The following SH3YL1 variants were observed in gnomAD, a reference collection of about 807,000 sequenced individuals.
SH3YL1 encodes the protein SH3 and SYLF domain containing 1, also known as SH3 domain-containing YSC84-like protein 1.
Under a neutral mutation model 45.8 loss-of-function variants are expected in SH3YL1, and 41 were observed. The observed-to-expected ratio is 0.89, with a 90% CI of 0.70 to 1.16. SH3YL1 has a LOEUF of 1.16. SH3YL1 is among the 50% of genes most tolerant of loss of function. The probability of loss-of-function intolerance (pLI) is 0.00; values close to 1 mark genes in which losing one functional copy is unlikely to be tolerated. For missense variants in SH3YL1, 389 were observed against 409.6 expected (o/e 0.95, Z 0.43); for synonymous variants, 152 against 151.4 (o/e 1.00, Z -0.03).
At chr2:257,646 T>G (rs1669401200) in intron 1 of SH3YL1, among the ~76,000 whole-genome samples, 1 of 152,210 alleles carries the variant, frequency 6.6e-6, no homozygotes, top group Non-Finnish European at 1.5e-5. Flanking sequence ...TCACTTCCCC[T>G]TTTTTGGTCT....
chr2:228,980 G>C (rs1667914348), intron 8 of SH3YL1, among the ~76,000 whole-genome samples: 1 of 152,192 alleles, frequency 6.6e-6, no homozygotes, highest in South Asian at 2.1e-4. Flanking sequence ...GTTTCTACAT[G>C]TAATCTCTCT....
upstream of SH3YL1, chr2:264,034 A>G: frequency 7.2e-7 from 1 of 1,383,056 alleles, no homozygotes; most frequent in Middle Eastern, 2.0e-4. Context: ...CAGGAAGAGG[A>G]AGGCGCGCTG....
At chr2:258,212 G>A (rs1339147276) in intron 1 of SH3YL1, among the ~76,000 whole-genome samples, 1 of 152,112 alleles carries the variant, frequency 6.6e-6, no homozygotes, top group Non-Finnish European at 1.5e-5. Context: ...TAGTATAATA[G>A]GAATAGTATT....
rs1572164793 is a variant in SH3YL1, at chr2:243,478, T to G, written c.291+4060A>C. 3 of 1,502,608 alleles carry G rather than the reference T, an allele frequency of 2.0e-6. No individual in the cohort carries two copies. The African/African-American group carries it at 4.3e-5, about 21-fold the overall frequency. The allele number at this position is 1,502,608 out of a possible 1,614,324, so 93.1% of individuals were successfully genotyped here. A position where few individuals can be genotyped will look rare whatever the true frequency, so the allele number is the denominator to read the frequency against. On this transcript the variant is annotated intron_variant, in intron 4 of 9. Coordinates refer to ENST00000356150, the MANE Select transcript of SH3YL1 (RefSeq NM_015677.4). The stretch of plus-strand genomic sequence containing the variant: ...GAGAAATTAGATAATATTTTGAGAT[T>G]AAGGAAAATGAAGACACAACATACC...
intron 8 of SH3YL1, 99 bp downstream of exon 8, chr2:229,867 T>C: frequency 1.1e-6 from 1 of 950,318 alleles, no homozygotes; most frequent in Non-Finnish European, 1.6e-6. Flanking sequence ...AGTTCTTCTA[T>C]TTAACTCTAA....
intron 4 of SH3YL1, among the ~76,000 whole-genome samples, chr2:247,213 C>A (rs1027207977): frequency 3.3e-5 from 5 of 152,222 alleles, no homozygotes; most frequent in Admixed American, 6.5e-5. Flanking sequence ...TGAAGGAGAA[C>A]AGTGGCTTTG....
intron 3 of SH3YL1, among the ~76,000 whole-genome samples, chr2:248,668 A>G (rs1049761538): frequency 6.6e-6 from 1 of 152,182 alleles, no homozygotes; most frequent in African/African-American, 2.4e-5. Flanking sequence ...AAGTCACCCC[A>G]TCAATGGAGC....
At chr2:230,068 A>T (rs764900547) in intron 7 of SH3YL1, 24 bp from the exon 8 acceptor site, 23 of 1,557,578 alleles carry the variant, frequency 1.5e-5, no homozygotes, top group Non-Finnish European at 1.9e-5. Flanking sequence ...AAAGATAAAT[A>T]CACATAATTT....
chr2:240,702 G>A (rs1012925166), intron 4 of SH3YL1: 4 of 152,238 alleles, frequency 2.6e-5, no homozygotes, highest in African/African-American at 9.7e-5. Context: ...CAGGCAATTA[G>A]TGGAGGCTAA....
At chr2:247,410 G>T in intron 4 of SH3YL1, 128 bp downstream of exon 4, 1 of 629,126 alleles carries the variant, frequency 1.6e-6, no homozygotes, top group South Asian at 2.6e-5. Context: ...AGAAAATAAA[G>T]GAAACAATTT....
chr2:258,144 G>C (rs998464068), intron 1 of SH3YL1, among the ~76,000 whole-genome samples: 18 of 152,004 alleles, frequency 1.2e-4, no homozygotes. Context: ...GCTCTTTCTT[G>C]GTTCCATATG....
intron 5 of SH3YL1, 119 bp from the exon 6 acceptor site, chr2:233,348 G>A (rs1668139634): frequency 8.8e-7 from 1 of 1,131,482 alleles, no homozygotes. Context: ...TTCTTCAGCT[G>A]TTTCTATGTT....
chr2:247,731 T>G, intron 3 of SH3YL1, 129 bp from the exon 4 acceptor site: 1 of 651,450 alleles, frequency 1.5e-6, no homozygotes, highest in Non-Finnish European at 2.5e-6. Context: ...TTTCCCCTGA[T>G]TTTAAAGTGA....
intron 4 of SH3YL1, among the ~76,000 whole-genome samples, chr2:245,037 G>C (rs751086096): frequency 6.6e-6 from 1 of 152,142 alleles, no homozygotes; most frequent in African/African-American, 2.4e-5. Flanking sequence ...CCATGCTCCC[G>C]TTCTGACTCC....
chr2:231,263 C>T (rs1034035070), intron 6 of SH3YL1, 72 bp from the exon 7 acceptor site: 13 of 1,154,218 alleles, frequency 1.1e-5, no homozygotes, highest in African/African-American at 6.2e-5. Context: ...ATAGCATGTG[C>T]GCACACACGG....
intron 9 of SH3YL1, among the ~76,000 whole-genome samples, chr2:220,646 C>T (rs903516428): frequency 2.6e-5 from 4 of 152,190 alleles, no homozygotes; most frequent in South Asian, 2.1e-4. Context: ...ACCGGGCAGG[C>T]GCTCACGCCG....
intron 4 of SH3YL1, chr2:240,591 G>C (rs1044702158): frequency 3.9e-5 from 6 of 152,194 alleles, no homozygotes; most frequent in Non-Finnish European, 1.5e-5. Context: ...ATAGAAATGA[G>C]CCTCAAAGAC....
Position 249,776 on chromosome 2 carries a change from C to T in SH3YL1, c.181G>A (p.Ala61Thr), listed in dbSNP as rs1668995470. 12 of 1,551,822 alleles carry T rather than the reference C, an allele frequency of 7.7e-6. No individual in the cohort carries two copies. Among genetic ancestry groups the T allele is most frequent in the Non-Finnish European group, 1.0e-5 (12 of 1,147,036 alleles). Reference sequence around the variant, plus strand: ...ACTACAATCCCGCTGCCTCCTCTGGCAGTCACCAGGAACCCGGCTTTGATC... The same window carrying T: ...ACTACAATCCCGCTGCCTCCTCTGGTAGTCACCAGGAACCCGGCTTTGATC... ...SVIKAGFLVT[A>T]RGGSGIVVAR... Residue 61 changes from alanine to threonine, a missense_variant, in exon 3 of 10, where the codon GCC (alanine) becomes ACC (threonine). Ala to Thr is a moderately conservative substitution (Grantham distance 58). Coordinates refer to ENST00000356150, the MANE Select transcript of SH3YL1 (RefSeq NM_015677.4).
At chr2:240,719 T>C (rs1473566386) in intron 4 of SH3YL1, 1 of 152,154 alleles carries the variant, frequency 6.6e-6, no homozygotes, top group African/African-American at 2.4e-5. Flanking sequence ...CTAACAACAG[T>C]GTGTAATACC....
Sources: gnomAD v4.1 joint callset for allele counts (sites outside exome capture counted in the v4.1 genomes callset) on GRCh38, gnomAD v4.1.1 for gene constraint, MANE v1.5 for transcripts, NCBI Gene and HGNC (gene_info 2026-07-23, HGNC 2026-07-21) for gene names.